The following CNOT10 variants were observed in gnomAD, a reference collection of about 807,000 sequenced individuals.
CNOT10 encodes the protein CCR4-NOT transcription complex subunit 10.
A neutral mutation model predicts 94.6 loss-of-function variants in CNOT10; 30 were observed. That is an observed-to-expected ratio of 0.32 (90% CI 0.24 to 0.43). CNOT10 has a LOEUF of 0.43. Among genes scored for constraint, CNOT10 ranks in the 20% least tolerant of loss-of-function variants. CNOT10 has a pLI of 1.00. For synonymous variants in CNOT10, 289 were observed against 301.6 expected (o/e 0.96, Z 0.43); for missense variants, 759 against 877.2 (o/e 0.87, Z 1.70).
At chr3:32,770,299 T>C (rs1700840690) in intron 18 of CNOT10, among the ~76,000 whole-genome samples, 1 of 146,728 alleles carries the variant, frequency 6.8e-6, no homozygotes, top group African/African-American at 2.5e-5. Context: ...TAAGCCACCA[T>C]GCTCAGCCAA....
chr3:32,730,844 G>T (rs1698909688), intron 10 of CNOT10: 1 of 152,174 alleles, frequency 6.6e-6, no homozygotes. Context: ...TATGGGAAAA[G>T]ATCTGCTAAA....
intron 13 of CNOT10, among the ~76,000 whole-genome samples, chr3:32,737,818 AAC>A (rs1450625772): frequency 6.6e-6 from 1 of 152,046 alleles, no homozygotes; most frequent in Non-Finnish European, 1.5e-5. Flanking sequence ...AAAAAAAAAG[AAC>A]ACATTCTTTT....
intron 3 of CNOT10, among the ~76,000 whole-genome samples, chr3:32,707,806 T>C (rs1311122098): frequency 4.6e-5 from 7 of 151,640 alleles, no homozygotes; most frequent in Non-Finnish European, 1.0e-4. Flanking sequence ...AAAAAAAAAA[T>C]TATCTATGAC....
intron 10 of CNOT10, among the ~76,000 whole-genome samples, chr3:32,732,597 AAAAG>A (rs1330457152): frequency 6.7e-6 from 1 of 149,898 alleles, no homozygotes; most frequent in South Asian, 2.1e-4. Flanking sequence ...AAAAAGAAAA[AAAAG>A]AAAGGAAAAA....
At chr3:32,734,414 C>G (rs905027559) in intron 11 of CNOT10, among the ~76,000 whole-genome samples, 4 of 152,166 alleles carry the variant, frequency 2.6e-5, no homozygotes, top group African/African-American at 9.7e-5. Context: ...AAGTAAGGCT[C>G]AAACGTGAAA....
At chr3:32,759,170 T>C (rs926822905) in intron 13 of CNOT10, among the ~76,000 whole-genome samples, 5 of 151,626 alleles carry the variant, frequency 3.3e-5, no homozygotes, top group African/African-American at 7.3e-5. Context: ...TCTATACATA[T>C]ATACATACAT....
At chr3:32,759,693 T>C in intron 14 of CNOT10, 122 bp downstream of exon 14, 1 of 725,340 alleles carries the variant, frequency 1.4e-6, no homozygotes, top group Non-Finnish European at 2.4e-6. Flanking sequence ...GGAAAGCAAC[T>C]GTTTAAAAGA....
chr3:32,758,228 G>A (rs1700299148), intron 13 of CNOT10, among the ~76,000 whole-genome samples: 2 of 152,152 alleles, frequency 1.3e-5, no homozygotes, highest in South Asian at 2.1e-4. Context: ...AACCACACTA[G>A]ACAGTCTTTC....
chr3:32,735,567 C>T (rs969037690), intron 12 of CNOT10, among the ~76,000 whole-genome samples: 3 of 151,464 alleles, frequency 2.0e-5, no homozygotes, highest in Non-Finnish European at 2.9e-5. Context: ...ATTAGCTGGG[C>T]GTGGTGGTGG....
intron 8 of CNOT10, among the ~76,000 whole-genome samples, chr3:32,723,749 C>G (rs999094570): frequency 6.6e-6 from 1 of 152,040 alleles, no homozygotes; most frequent in Admixed American, 6.6e-5. Flanking sequence ...ACATGTAAAA[C>G]AACTAGTAAC....
intron 13 of CNOT10, among the ~76,000 whole-genome samples, chr3:32,739,918 T>C (rs940849265): frequency 2.0e-5 from 3 of 152,122 alleles, no homozygotes; most frequent in East Asian, 3.9e-4. Flanking sequence ...AGAGTGAAAC[T>C]CCGTCTCGAA....
chr3:32,721,756 C>T (rs1008994760), intron 8 of CNOT10, among the ~76,000 whole-genome samples: 6 of 151,356 alleles, frequency 4.0e-5, no homozygotes, highest in Non-Finnish European at 8.8e-5. Context: ...GCGACATTCT[C>T]CTGCCTCAGC....
At chr3:32,740,537 A>G (rs1430829166) in intron 13 of CNOT10, among the ~76,000 whole-genome samples, 1 of 151,474 alleles carries the variant, frequency 6.6e-6, no homozygotes, top group African/African-American at 2.4e-5. Context: ...GTTTTACAAT[A>G]TTTTCATTAC....
rs370838550 is a variant in CNOT10 at position 32,712,167 on chromosome 3, T to G, written c.431-1060T>G. 1.8e-3 allele frequency among the ~76,000 whole-genome samples: 268 copies of G among 150,762 alleles called. 1 individual carries two copies. Among genetic ancestry groups the G allele is most frequent in the East Asian group, 7.8e-3 (40 of 5,158 alleles). Reference sequence around the variant, plus strand: ...TCTGTAATCAGGTGTTTGTTTGTTTTTTTTTTTTTTCCATCTCCATGACCT... The same window carrying G: ...TCTGTAATCAGGTGTTTGTTTGTTTGTTTTTTTTTTCCATCTCCATGACCT... On this transcript the variant is annotated intron_variant, in intron 4 of 18. Transcript: ENST00000328834.
intron 4 of CNOT10, among the ~76,000 whole-genome samples, chr3:32,709,430 C>A (rs1350277679): frequency 6.6e-6 from 1 of 151,994 alleles, no homozygotes; most frequent in Non-Finnish European, 1.5e-5. Flanking sequence ...CTTTTTTTTC[C>A]ATAATTGCTT....
At chr3:32,693,025 C>T (rs1056261115) in intron 1 of CNOT10, among the ~76,000 whole-genome samples, 2 of 152,138 alleles carry the variant, frequency 1.3e-5, no homozygotes, top group African/African-American at 4.8e-5. Flanking sequence ...GCCTGGGCTA[C>T]AAAGTGAGAC....
intron 5 of CNOT10, among the ~76,000 whole-genome samples, chr3:32,715,166 G>A (rs1698063836): frequency 6.6e-6 from 1 of 152,206 alleles, no homozygotes; most frequent in African/African-American, 2.4e-5. Context: ...AAACGTTGCA[G>A]TCCTTGCTTT....
intron 1 of CNOT10, among the ~76,000 whole-genome samples, chr3:32,701,825 C>G (rs1697362966): frequency 6.6e-6 from 1 of 152,188 alleles, no homozygotes; most frequent in African/African-American, 2.4e-5. Context: ...CAGAGTCTCA[C>G]TCTGTTGCTC....
intron 1 of CNOT10, among the ~76,000 whole-genome samples, chr3:32,703,078 A>ATTTTTT (rs67920905): frequency 5.6e-5 from 7 of 124,252 alleles, no homozygotes; most frequent in Admixed American, 8.9e-5. Flanking sequence ...CGCCAAGCTA[A>ATTTTTT]TTTTTTTTTT....
Sources: allele counts gnomAD v4.1 joint callset (sites outside exome capture counted in the v4.1 genomes callset), GRCh38; gene constraint gnomAD v4.1.1; transcripts MANE v1.5; gene names NCBI Gene and HGNC (gene_info 2026-07-23, HGNC 2026-07-21).